Variants in SLC1A6 observed in about 807,000 individuals in gnomAD.
SLC1A6 encodes the protein solute carrier family 1 member 6.
In SLC1A6, 15 loss-of-function variants were observed where a neutral mutation model predicts 42.1. The observed-to-expected ratio is 0.36, with a 90% CI of 0.24 to 0.55. SLC1A6 has a LOEUF of 0.55. Among genes scored for constraint, SLC1A6 ranks in the 20% least tolerant of loss-of-function variants. SLC1A6 has a pLI of 0.88. For missense variants in SLC1A6, 542 were observed against 772.5 expected (o/e 0.70, Z 3.54); for synonymous variants, 317 against 319.7 (o/e 0.99, Z 0.09).
rs146285928 is a variant in SLC1A6 at position 14,978,911 on chromosome 19, A to AAC, written c.-8+396_-8+397dup. ...CATACAATTCCTACCTACACACAGA[A>AAC]ACACACACACACACACTCTTTAGGG... On this transcript the variant is annotated intron_variant, in intron 1 of 9. Transcript: ENST00000594383. 2.2e-3 allele frequency among the ~76,000 whole-genome samples: 338 copies of AAC among 150,870 alleles called. 1 individual carries two copies. Among genetic ancestry groups the AAC allele is most frequent in the South Asian group, 0.011 (52 of 4,782 alleles).
At chr19:14,955,505 G>C (rs2045454162) in intron 7 of SLC1A6, among the ~76,000 whole-genome samples, 1 of 152,072 alleles carries the variant, frequency 6.6e-6, no homozygotes, top group Non-Finnish European at 1.5e-5. Flanking sequence ...TGTGATTCCA[G>C]CTACTTGGGA....
In SLC1A6 at chr19:14,962,251, G is replaced by A. The variant is rs1234633468; in HGVS notation, c.686C>T (p.Ser229Leu). The change falls in exon 6 of 10, where the codon TCA becomes TTA. Residue 229 changes from serine to leucine, a missense_variant. Coordinates refer to ENST00000594383, the MANE Select transcript of SLC1A6 (RefSeq NM_005071.3). ...CAGGAAGCTGGTTCCGTTCTCCACT[G>A]AGAATGGAGGAGGCATGGAGGCACC... ...EPGASMPPPFSVENGTSFLEN... is the reference protein window; with the variant it reads ...EPGASMPPPFLVENGTSFLEN... 8 of 1,614,138 alleles carry A rather than the reference G, an allele frequency of 5.0e-6. No homozygotes were observed. Among genetic ancestry groups the A allele is most frequent in the Non-Finnish European group, 6.8e-6 (8 of 1,179,976 alleles).
At chr19:14,955,771 C>G (rs758588787) in intron 7 of SLC1A6, among the ~76,000 whole-genome samples, 1 of 151,872 alleles carries the variant, frequency 6.6e-6, no homozygotes, top group East Asian at 1.9e-4. Context: ...CCCATCTCTA[C>G]TAAAAATACA....
intron 1 of SLC1A6, among the ~76,000 whole-genome samples, chr19:14,991,808 A>G (rs981421501): frequency 1.8e-4 from 28 of 151,444 alleles, no homozygotes; most frequent in Admixed American, 4.6e-4. Context: ...TCAAGACAGG[A>G]CCAAAGTTCC....
chr19:14,979,050 TCACACACACACACACACACA>T lies in SLC1A6; in HGVS notation c.-8+239_-8+258del, dbSNP rs56317513. ...CAAATTCAGTCTCTCTCTCTCTCTG[TCACACACACACACACACACA>T]CACACACACACACACACACACACAC... On this transcript the variant is annotated intron_variant, in intron 1 of 9. Coordinates refer to ENST00000594383, the MANE Select transcript of SLC1A6 (RefSeq NM_005071.3). This position sits in a 1 kb window ranked among gnomAD's most constrained non-coding sequence, Gnocchi z 4.2. Among the ~76,000 whole-genome samples the T allele has an allele frequency of 6.1e-5, 8 of 131,296 alleles. No individual in the cohort carries two copies. The highest frequency in any genetic ancestry group is 1.5e-4 in the Admixed American group (2 of 13,032). The allele number at this position is 131,296 out of a possible 152,430, so 86.1% of individuals were successfully genotyped here.
chr19:14,986,608 T>TA (rs200200662), intron 1 of SLC1A6, among the ~76,000 whole-genome samples: 7 of 142,206 alleles, frequency 4.9e-5, no homozygotes, highest in Non-Finnish European at 1.1e-4. Context: ...TTTTTTTTTT[T>TA]AAGACAGGGT....
rs1041362668 is a variant in SLC1A6 at position 14,954,125 on chromosome 19, G to T, written c.1364+10C>A. Reference sequence around the variant, plus strand: ...TCACCTGCTGGCAGGTCCTACCCAAGCCCCCTCACCTGATGGTTGTGATCT... The same window carrying T: ...TCACCTGCTGGCAGGTCCTACCCAATCCCCCTCACCTGATGGTTGTGATCT... On this transcript the variant is annotated intron_variant, in intron 8 of 9. Transcript: ENST00000594383. 6.4e-7 allele frequency: 1 copy of T among 1,555,286 alleles called. No homozygotes were observed. The highest frequency in any genetic ancestry group is 8.7e-7 in the Non-Finnish European group (1 of 1,145,914).
chr19:14,957,369 A>G (rs1293130282), intron 6 of SLC1A6, among the ~76,000 whole-genome samples: 1 of 152,132 alleles, frequency 6.6e-6, no homozygotes, highest in African/African-American at 2.4e-5. Flanking sequence ...AACCAAATTC[A>G]TATCTTGAGA....
At chr19:15,010,015 T>TAA (rs58210057) in intron 1 of SLC1A6, among the ~76,000 whole-genome samples, 1 of 146,628 alleles carries the variant, frequency 6.8e-6, no homozygotes, top group African/African-American at 2.5e-5. Context: ...CCGTCTCTAC[T>TAA]AAAAAAAAAA....
chr19:14,956,703 T>A lies in SLC1A6; in HGVS notation c.942A>T (p.Ala314=). ...CAATCAGGAACAGGATGCCCACAGG[T>A]GCATACCTGTGTGAGGGAGCCACAT... ...MRLVGIIIWY[A]PVGILFLIAG... is the part of the protein sequence containing the mutation. The change falls in exon 7 of 10, where the codon GCA becomes GCT. Residue 314 remains alanine (A), a synonymous_variant. Coordinates refer to ENST00000594383, the MANE Select transcript of SLC1A6 (RefSeq NM_005071.3). The A allele has an allele frequency of 1.2e-6, 2 of 1,607,144 alleles. No individual in the cohort carries two copies. Among genetic ancestry groups the A allele is most frequent in the Non-Finnish European group, 1.7e-6 (2 of 1,175,442 alleles).
upstream of SLC1A6, among the ~76,000 whole-genome samples, chr19:14,983,270 A>G (rs992441617): frequency 3.9e-5 from 6 of 152,128 alleles, no homozygotes; most frequent in African/African-American, 1.2e-4. Flanking sequence ...TTAGTGCCAT[A>G]CTTTTCTAAC....
rs767982984 is a variant in SLC1A6 at position 14,972,855 on chromosome 19, C to A, written c.56G>T (p.Arg19Leu). The change falls in exon 2 of 10, where the codon CGG (arginine) becomes CTG (leucine). Residue 19 changes from arginine to leucine, a missense_variant. Around this residue, in one of 6 missense-constraint regions of SLC1A6, gnomAD observed 88 missense variants for 85.5 expected, o/e 1.03. Coordinates refer to ENST00000594383, the MANE Select transcript of SLC1A6 (RefSeq NM_005071.3). ...FLRESGQRLG[R>L]VGWLQRLQES... ...CTGCAGCCGCTGCAGCCAGCCCACCCGGCCCAGCCGCTGGCCGCTCTCCCG... is the reference window on the plus strand; with the variant it reads ...CTGCAGCCGCTGCAGCCAGCCCACCAGGCCCAGCCGCTGGCCGCTCTCCCG... 4 of 1,602,670 alleles carry A rather than the reference C, an allele frequency of 2.5e-6. No homozygotes were observed. The highest frequency in any genetic ancestry group is 2.7e-5 in the African/African-American group (2 of 74,778).
intron 1 of SLC1A6, among the ~76,000 whole-genome samples, chr19:14,989,765 G>A (rs1386347945): frequency 4.2e-5 from 5 of 118,650 alleles, no homozygotes; most frequent in African/African-American, 1.4e-4. Context: ...GGGGTGGGGT[G>A]TGGATCACCT....
At chr19:14,960,281 A>G (rs1000618012) in intron 6 of SLC1A6, among the ~76,000 whole-genome samples, 1 of 152,244 alleles carries the variant, frequency 6.6e-6, no homozygotes, top group Non-Finnish European at 1.5e-5. Context: ...TGCATAGATG[A>G]ATGAGTGAGT....
At chr19:14,991,537 G>T (rs2045819945) in intron 1 of SLC1A6, among the ~76,000 whole-genome samples, 1 of 151,472 alleles carries the variant, frequency 6.6e-6, no homozygotes, top group African/African-American at 2.4e-5. Flanking sequence ...GAAGAGAATT[G>T]CTTGAACCCG....
chr19:14,990,789 A>AAC (rs57908473), intron 1 of SLC1A6, among the ~76,000 whole-genome samples: 34,511 of 108,912 alleles, frequency 0.32, 4,231 homozygotes, highest in African/African-American at 0.43. Context: ...AACAAAACAA[A>AAC]AAAAAAAAAA....
At chr19:15,008,822 T>C (rs1600045748) in intron 1 of SLC1A6, among the ~76,000 whole-genome samples, 1 of 141,638 alleles carries the variant, frequency 7.1e-6, no homozygotes, top group Non-Finnish European at 1.5e-5. Flanking sequence ...CCACCTCCAC[T>C]AAAAAAACAA....
Position 14,972,717 on chromosome 19 carries a change from G to A in SLC1A6, c.194C>T (p.Ala65Val). Residue 65 changes from alanine to valine, a missense_variant, in exon 2 of 10, where the codon GCC becomes GTC. Physicochemically the swap from Ala to Val is moderately conservative, Grantham distance 64. Coordinates refer to ENST00000594383, the MANE Select transcript of SLC1A6 (RefSeq NM_005071.3). The part of the protein sequence containing the change: ...RNAFILLTVS[A>V]VVIGVSLAFA... ...GAGGCAGAGCTCACCAATGACCACG[G>A]CGCTGACCGTCAGCAGAATGAAGGC... 2 of 1,613,912 alleles carry A rather than the reference G, an allele frequency of 1.2e-6. No homozygotes were observed. The highest frequency in any genetic ancestry group is 1.7e-6 in the Non-Finnish European group (2 of 1,179,974).
chr19:14,982,045 G>A (rs1036650644), upstream of SLC1A6, among the ~76,000 whole-genome samples: 16 of 146,412 alleles, frequency 1.1e-4, no homozygotes, highest in Non-Finnish European at 1.7e-4. Context: ...GCAACAGAGC[G>A]AGACCCTGTC....
Sources: gnomAD v4.1 joint callset for allele counts (sites outside exome capture counted in the v4.1 genomes callset) on GRCh38, gnomAD v4.1.1 for gene constraint, gnomAD v4.1.1 regional missense constraint, Gnocchi (gnomAD v3.1) non-coding constraint, MANE v1.5 for transcripts, NCBI Gene and HGNC (gene_info 2026-07-23, HGNC 2026-07-21) for gene names.